Variants in ATG10 observed in about 807,000 individuals in gnomAD.
ATG10 encodes the protein ubiquitin-like-conjugating enzyme ATG10.
A neutral mutation model predicts 32.1 loss-of-function variants in ATG10; 30 were observed. The ratio of observed to expected loss-of-function variants is 0.94; its 90% confidence interval spans 0.70 to 1.27. The LOEUF is 1.27. ATG10 is among the 50% of genes most tolerant of loss of function. The pLI, the probability that ATG10 is intolerant of heterozygous loss-of-function variation, is 0.00. For synonymous variants in ATG10, 87 were observed against 91.5 expected, an observed-to-expected ratio of 0.95 and a Z score of 0.28; for missense variants, 233 against 262.3, an observed-to-expected ratio of 0.89 and a Z score of 0.77.
intron 2 of ATG10, among the ~76,000 whole-genome samples, chr5:81,993,222 T>TA (rs1761511696): frequency 6.6e-6 from 1 of 152,080 alleles, no homozygotes; most frequent in South Asian, 2.1e-4. Flanking sequence ...CAATAATACT[T>TA]ACTTTATATG....
intron 5 of ATG10, chr5:82,242,736 A>G (rs1746854887): frequency 5.6e-6 from 2 of 359,958 alleles, no homozygotes; most frequent in Admixed American, 4.0e-5. Context: ...ACAAAAACCT[A>G]TTTTTCAAAA....
At chr5:81,999,143 C>CAAAAAAAAAAAAAAAAAA (rs370637760) in intron 2 of ATG10, among the ~76,000 whole-genome samples, 1 of 116,540 alleles carries the variant, frequency 8.6e-6, no homozygotes, top group Non-Finnish European at 1.8e-5. Context: ...AATCCTCAGC[C>CAAAAAAAAAAAAAAAAAA]AAAAAAAAAA....
chr5:82,064,237 G>A (rs1236391910), intron 3 of ATG10, among the ~76,000 whole-genome samples: 1 of 152,178 alleles, frequency 6.6e-6, no homozygotes, highest in Non-Finnish European at 1.5e-5. Context: ...ACTCTGCACT[G>A]AAGAGTGATA....
intron 5 of ATG10, among the ~76,000 whole-genome samples, chr5:82,223,409 G>T (rs1263900123): frequency 1.3e-5 from 2 of 152,154 alleles, no homozygotes; most frequent in Non-Finnish European, 2.9e-5. Context: ...ACTAAGTTGT[G>T]CATCACTTTG....
intron 3 of ATG10, among the ~76,000 whole-genome samples, chr5:82,156,103 G>A (rs768987226): frequency 1.1e-4 from 16 of 151,978 alleles, no homozygotes; most frequent in Non-Finnish European, 1.9e-4. Flanking sequence ...GATAAGCTGA[G>A]GTCTTAGGTT....
intron 3 of ATG10, chr5:82,111,259 G>C (rs1765612234): frequency 6.6e-6 from 1 of 151,822 alleles, no homozygotes; most frequent in Admixed American, 6.6e-5. Context: ...TTTTTACCTT[G>C]ACTTTTCTAA....
At chr5:82,138,547 T>C (rs1000107969) in intron 3 of ATG10, among the ~76,000 whole-genome samples, 2 of 152,024 alleles carry the variant, frequency 1.3e-5, no homozygotes, top group Non-Finnish European at 2.9e-5. Context: ...CTGTGTGGGC[T>C]GCACCCACTC....
At chr5:82,249,532 G>A (rs1210312270) in intron 5 of ATG10, among the ~76,000 whole-genome samples, 3 of 152,150 alleles carry the variant, frequency 2.0e-5, no homozygotes, top group Non-Finnish European at 2.9e-5. Context: ...TATGTGTCAG[G>A]TACTGTTCTA....
intron 3 of ATG10, among the ~76,000 whole-genome samples, chr5:82,128,274 T>C (rs1015033640): frequency 6.6e-6 from 1 of 152,036 alleles, no homozygotes; most frequent in Non-Finnish European, 1.5e-5. Flanking sequence ...AATTGGTATA[T>C]TTAGCCTGTT....
chr5:82,005,427 T>C (rs1761965061), intron 2 of ATG10, among the ~76,000 whole-genome samples: 1 of 152,218 alleles, frequency 6.6e-6, no homozygotes, highest in Non-Finnish European at 1.5e-5. Context: ...CCCGAGTAGC[T>C]GGGATTACAG....
chr5:81,993,310 C>CTTTCTTTCCTTCCTTCCTTCTTTCTTT (rs59371349), intron 2 of ATG10, among the ~76,000 whole-genome samples: 25 of 61,442 alleles, frequency 4.1e-4, no homozygotes, highest in East Asian at 2.9e-3. Context: ...TCCTTTCTTT[C>CTTTCTTTCCTTCCTTCCTTCTTTCTTT]CTTTCTTTCT....
At chr5:81,994,925 A>C (rs994345368) in intron 2 of ATG10, among the ~76,000 whole-genome samples, 1 of 152,206 alleles carries the variant, frequency 6.6e-6, no homozygotes, top group Non-Finnish European at 1.5e-5. Flanking sequence ...TTAGTTCATC[A>C]AGACTGACAT....
At position 82,035,490 on chromosome 5, in the gene ATG10, A is replaced by G. The variant is rs558707768; in HGVS notation, c.109-23005A>G. On this transcript the variant is annotated intron_variant, in intron 2 of 7. Coordinates refer to ENST00000282185, the MANE Select transcript of ATG10 (RefSeq NM_031482.5). Reference sequence around the variant, plus strand: ...ACTGTACTAATTTATACTCCTATCAAAAATAAATGAATATGCTCATTTTTC... The same window carrying G: ...ACTGTACTAATTTATACTCCTATCAGAAATAAATGAATATGCTCATTTTTC... Among the ~76,000 whole-genome samples the G allele has an allele frequency of 4.6e-5, 7 of 152,292 alleles. No homozygotes were observed. The South Asian group carries it at 6.2e-4, about 14-fold the overall frequency.
At chr5:82,225,975 T>A (rs1459138039) in intron 5 of ATG10, among the ~76,000 whole-genome samples, 4 of 152,246 alleles carry the variant, frequency 2.6e-5, no homozygotes, top group African/African-American at 9.6e-5. Flanking sequence ...TATACGTATT[T>A]AACTTCTTTA....
At chr5:82,107,707 G>A (rs955690922) in intron 3 of ATG10, among the ~76,000 whole-genome samples, 10 of 151,962 alleles carry the variant, frequency 6.6e-5, no homozygotes, top group African/African-American at 2.2e-4. Context: ...GACTTGATGC[G>A]TGATGGAGAG....
intron 5 of ATG10, among the ~76,000 whole-genome samples, chr5:82,231,999 C>T (rs970757677): frequency 6.6e-6 from 1 of 152,146 alleles, no homozygotes; most frequent in African/African-American, 2.4e-5. Flanking sequence ...TAATAGATTG[C>T]TATTTTATTT....
chr5:82,146,245 A>T (rs1402359815), intron 3 of ATG10, among the ~76,000 whole-genome samples: 1 of 152,122 alleles, frequency 6.6e-6, no homozygotes. Flanking sequence ...ATATTTTTCT[A>T]TGGCTTTTTG....
chr5:82,058,425 T>C (rs1763668529), intron 2 of ATG10, 70 bp from the exon 3 acceptor site: 5 of 1,108,624 alleles, frequency 4.5e-6, no homozygotes. Context: ...TTATGGGAAG[T>C]GGTTCTTAAA....
At position 82,097,410 on chromosome 5, in the gene ATG10, T is replaced by C. The variant is rs371267588; in HGVS notation, c.216+38808T>C. Among the ~76,000 whole-genome samples the C allele has an allele frequency of 5.9e-5, 9 of 152,286 alleles. No homozygotes were observed. In the East Asian group the frequency reaches 1.7e-3, roughly 29 times the overall value. Reference sequence around the variant, plus strand: ...TTATGTGAAAAGGTTTATCAAAACATCTAGGACCATCTTAAATTACAACAC... The same window carrying C: ...TTATGTGAAAAGGTTTATCAAAACACCTAGGACCATCTTAAATTACAACAC... On this transcript the variant is annotated intron_variant, in intron 3 of 7. Transcript: ENST00000282185.
Sources: allele counts gnomAD v4.1 joint callset (sites outside exome capture counted in the v4.1 genomes callset), GRCh38; gene constraint gnomAD v4.1.1; transcripts MANE v1.5; gene names NCBI Gene and HGNC (gene_info 2026-07-23, HGNC 2026-07-21).